The following ABTB3 variants were observed in gnomAD, a reference collection of about 807,000 sequenced individuals.
ABTB3 encodes ankyrin repeat- and BTB/POZ domain-containing protein 3.
chr12:107,416,223 C>T, the ABTB3 span, among the ~76,000 whole-genome samples: 1 of 152,172 alleles, frequency 6.6e-6, no homozygotes, highest in Admixed American at 6.6e-5. Context: ...TCCATATTTC[C>T]TTCCATTCCT....
At chr12:107,437,319 A>G in the ABTB3 span, among the ~76,000 whole-genome samples, 8 of 151,816 alleles carry the variant, frequency 5.3e-5, no homozygotes, top group East Asian at 1.5e-3. Context: ...GGCCACTGGC[A>G]TTGCTCCAGT....
At chr12:107,396,333 T>C in the ABTB3 span, among the ~76,000 whole-genome samples, 1 of 152,208 alleles carries the variant, frequency 6.6e-6, no homozygotes, top group East Asian at 1.9e-4. Flanking sequence ...CCCATGTCTG[T>C]AGAGTTAGGC....
At chr12:107,408,081 C>T in the ABTB3 span, among the ~76,000 whole-genome samples, 120 of 152,142 alleles carry the variant, frequency 7.9e-4, 1 homozygote, top group Admixed American at 6.5e-3. Context: ...TAAACGGTCT[C>T]TTGCCGTGTA....
At chr12:107,484,952 AT>A in the ABTB3 span, among the ~76,000 whole-genome samples, 1 of 152,150 alleles carries the variant, frequency 6.6e-6, no homozygotes, top group Non-Finnish European at 1.5e-5. Flanking sequence ...GGGATGTGCT[AT>A]GTCTGCAATG....
the ABTB3 span, among the ~76,000 whole-genome samples, chr12:107,377,945 C>T: frequency 6.6e-6 from 1 of 152,134 alleles, no homozygotes; most frequent in Non-Finnish European, 1.5e-5. Flanking sequence ...ACACTTGACG[C>T]TCAAGAAGGG....
the ABTB3 span, among the ~76,000 whole-genome samples, chr12:107,431,227 C>CAAATGAA: frequency 6.6e-6 from 1 of 152,222 alleles, no homozygotes; most frequent in African/African-American, 2.4e-5. Flanking sequence ...TGGCAAAATA[C>CAAATGAA]AAATGAAAAC....
chr12:107,413,057 A>C, the ABTB3 span, among the ~76,000 whole-genome samples: 15 of 152,112 alleles, frequency 9.9e-5, no homozygotes, highest in African/African-American at 3.6e-4. Context: ...GGCGGATCAC[A>C]AGGTCAGGAG....
At chr12:107,605,680 T>C in the ABTB3 span, among the ~76,000 whole-genome samples, 1 of 152,208 alleles carries the variant, frequency 6.6e-6, no homozygotes, top group Admixed American at 6.5e-5. Flanking sequence ...GTTCTATTTA[T>C]GTTTTAAACT....
chr12:107,634,254 A>T, the ABTB3 span, among the ~76,000 whole-genome samples: 1 of 152,246 alleles, frequency 6.6e-6, no homozygotes, highest in East Asian at 1.9e-4. Context: ...CCCCAAACCC[A>T]TCTTTTAAAA....
the ABTB3 span, among the ~76,000 whole-genome samples, chr12:107,365,342 G>C: frequency 4.6e-5 from 7 of 152,070 alleles, no homozygotes; most frequent in African/African-American, 1.7e-4. Flanking sequence ...TGTAAAATGG[G>C]AATAATAATA....
At chr12:107,649,139 C>T in the ABTB3 span, 2 of 1,408,044 alleles carry the variant, frequency 1.4e-6, no homozygotes, top group Non-Finnish European at 2.0e-6. Flanking sequence ...TGAGTTGGGG[C>T]ATCCACCGAA....
At chr12:107,587,168 G>A in the ABTB3 span, among the ~76,000 whole-genome samples, 12 of 152,238 alleles carry the variant, frequency 7.9e-5, no homozygotes, top group African/African-American at 1.4e-4. Context: ...AGGCAGGGCC[G>A]AACTCACCAT....
At chr12:107,349,782 G>T in the ABTB3 span, among the ~76,000 whole-genome samples, 6 of 152,172 alleles carry the variant, frequency 3.9e-5, no homozygotes, top group Non-Finnish European at 8.8e-5. Flanking sequence ...TATTTTAACT[G>T]CAACTCTACC....
At chr12:107,589,552 A>G in the ABTB3 span, among the ~76,000 whole-genome samples, 112 of 152,256 alleles carry the variant, frequency 7.4e-4, no homozygotes, top group Non-Finnish European at 7.9e-4. Flanking sequence ...TGCACCCAGG[A>G]TGTGCAACCA....
chr12:107,564,514 T>C, the ABTB3 span, among the ~76,000 whole-genome samples: 11 of 152,206 alleles, frequency 7.2e-5, no homozygotes, highest in Non-Finnish European at 1.2e-4. Flanking sequence ...ATTGGAACCT[T>C]GGGTTCATTG....
chr12:107,332,604 C>G, the ABTB3 span, among the ~76,000 whole-genome samples: 1 of 152,148 alleles, frequency 6.6e-6, no homozygotes, highest in Non-Finnish European at 1.5e-5. Context: ...ACCCAGGCAC[C>G]TGGGGTGAGT....
the ABTB3 span, among the ~76,000 whole-genome samples, chr12:107,516,008 T>C: frequency 6.6e-6 from 1 of 150,726 alleles, no homozygotes; most frequent in Non-Finnish European, 1.5e-5. Context: ...AATATTTTAA[T>C]GGAAATTATG....
At chr12:107,507,263 C>A in the ABTB3 span, among the ~76,000 whole-genome samples, 1 of 152,062 alleles carries the variant, frequency 6.6e-6, no homozygotes, top group Admixed American at 6.5e-5. Flanking sequence ...AAGGAAGAAA[C>A]AAGTGGGTGT....
the ABTB3 span, among the ~76,000 whole-genome samples, chr12:107,519,335 T>C: frequency 2.4e-5 from 3 of 126,586 alleles, no homozygotes; most frequent in African/African-American, 6.5e-5. Context: ...CTTTTTCTTT[T>C]TTTTTTTTTG....
Sources: allele counts gnomAD v4.1 joint callset (sites outside exome capture counted in the v4.1 genomes callset), GRCh38; gene constraint gnomAD v4.1.1; transcripts MANE v1.5; gene names NCBI Gene and HGNC (gene_info 2026-07-23, HGNC 2026-07-21).